Variants in ERCC1 observed in about 807,000 individuals in gnomAD.
ERCC1 encodes DNA excision repair protein ERCC-1.
ERCC1 carries 36 observed loss-of-function variants against 37.6 expected under a neutral mutation model. The observed-to-expected ratio is 0.96, with a 90% confidence interval of 0.73 to 1.26. ERCC1 has a LOEUF of 1.26. ERCC1 is among the 50% of genes most tolerant of loss of function. ERCC1 has a pLI of 0.00. For synonymous variants in ERCC1, 156 were observed against 162.1 expected, an observed-to-expected ratio of 0.96 and a Z score of 0.28; for missense variants, 349 against 376.5, an observed-to-expected ratio of 0.93 and a Z score of 0.60.
chr19:45,449,151 T>G (rs1967037107), intron 1 of ERCC1: 1 of 151,998 alleles, frequency 6.6e-6, no homozygotes, highest in African/African-American at 2.4e-5. Context: ...AAGCAGAGGG[T>G]TAGAGAAGGC....
chr19:45,434,719 G>A (rs1033120381), intron 1 of ERCC1, among the ~76,000 whole-genome samples: 5 of 151,972 alleles, frequency 3.3e-5, no homozygotes, highest in Non-Finnish European at 7.4e-5. Flanking sequence ...CCGAGCAGCT[G>A]GGACTACAGG....
At chr19:45,430,639 G>A (rs944303241) in intron 1 of ERCC1, among the ~76,000 whole-genome samples, 2 of 152,222 alleles carry the variant, frequency 1.3e-5, no homozygotes, top group Admixed American at 6.6e-5. Context: ...TAAGCGGGGC[G>A]CGGTGGCTCA....
upstream of ERCC1, among the ~76,000 whole-genome samples, chr19:45,428,686 C>T (rs917260759): frequency 2.6e-5 from 4 of 152,228 alleles, no homozygotes; most frequent in Non-Finnish European, 4.4e-5. Flanking sequence ...CCGACAATTC[C>T]GCCAAAGGGG....
At chr19:45,429,392 A>G (rs1278715419) in intron 1 of ERCC1, among the ~76,000 whole-genome samples, 1 of 152,134 alleles carries the variant, frequency 6.6e-6, no homozygotes, top group East Asian at 1.9e-4. Context: ...CCTGGGAGAC[A>G]GAGGTTGTAG....
At chr19:45,439,804 C>T (rs1975072148) in intron 1 of ERCC1, among the ~76,000 whole-genome samples, 3 of 151,988 alleles carry the variant, frequency 2.0e-5, no homozygotes, top group Admixed American at 6.5e-5. Context: ...CTCGCCGTGC[C>T]TCGGGGTAGG....
intron 1 of ERCC1, among the ~76,000 whole-genome samples, chr19:45,445,368 CTG>C (rs1206941152): frequency 6.6e-6 from 1 of 152,162 alleles, no homozygotes; most frequent in Non-Finnish European, 1.5e-5. Context: ...CTGGTAAAGA[CTG>C]TGAGAATGCA....
intron 1 of ERCC1, among the ~76,000 whole-genome samples, chr19:45,443,135 G>A (rs1184405619): frequency 1.3e-5 from 2 of 152,102 alleles, no homozygotes; most frequent in Admixed American, 6.6e-5. Context: ...CACTAGGGAG[G>A]GGTCTCCCAG....
chr19:45,414,152 C>G lies in ERCC1; in HGVS notation c.703-118G>C, dbSNP rs144734682. The G allele has an allele frequency of 6.8e-4, 525 of 777,612 alleles. 4 individuals carry two copies. In the African/African-American group the frequency reaches 7.9e-3, roughly 12 times the overall value. 48.2% of individuals were successfully genotyped at this position (777,612 alleles called of 1,614,324 possible). On this transcript the variant is annotated intron_variant, in intron 7 of 9. Coordinates refer to ENST00000300853, the MANE Select transcript of ERCC1 (RefSeq NM_001983.4). ...GACTGCCTGGCGTGCAGGAAGCACT[C>G]AATAAACGCTTTTTTTCCCAACTGA...
At chr19:45,415,072 G>A (rs1409041490) in intron 6 of ERCC1, 112 bp from the exon 7 acceptor site, 11 of 719,666 alleles carry the variant, frequency 1.5e-5, no homozygotes, top group African/African-American at 5.2e-5. Context: ...GGTGGCTCAC[G>A]CCTGTAATCC....
At chr19:45,418,996 C>T in intron 5 of ERCC1, 102 bp downstream of exon 5, 2 of 829,194 alleles carry the variant, frequency 2.4e-6, no homozygotes, top group East Asian at 5.3e-5. Context: ...AAAAACGTTC[C>T]TCGCTGAGGT....
At chr19:45,435,442 A>G (rs1974950969) in intron 1 of ERCC1, among the ~76,000 whole-genome samples, 1 of 152,196 alleles carries the variant, frequency 6.6e-6, no homozygotes, top group Admixed American at 6.6e-5. Context: ...CTCAGCCTTA[A>G]AAGAAAACTC....
chr19:45,421,868 G>C (rs557248848), intron 2 of ERCC1, among the ~76,000 whole-genome samples: 1 of 151,888 alleles, frequency 6.6e-6, no homozygotes, highest in East Asian at 1.9e-4. Flanking sequence ...CCTGACCTCA[G>C]GTGATCCGCC....
chr19:45,418,060 C>T (rs1054249754), intron 5 of ERCC1, among the ~76,000 whole-genome samples: 2 of 151,682 alleles, frequency 1.3e-5, no homozygotes, highest in African/African-American at 4.9e-5. Flanking sequence ...GACCCTGTCT[C>T]TAAAAATTAA....
intron 9 of ERCC1, among the ~76,000 whole-genome samples, chr19:45,412,080 C>T (rs1973776318): frequency 6.6e-6 from 1 of 151,822 alleles, no homozygotes; most frequent in South Asian, 2.1e-4. Context: ...ATGATGGTCT[C>T]AATCTCCTGA....
rs143529478 is a variant in ERCC1 at position 45,407,757 on chromosome 19, T to A, written c.*1918A>T. 1,030 of 251,194 alleles carry A rather than the reference T, an allele frequency of 4.1e-3. 12 individuals are homozygous for A. The highest frequency in any genetic ancestry group is 0.02 in the African/African-American group (889 of 45,560). 15.6% of individuals were successfully genotyped at this position (251,194 alleles called of 1,614,324 possible). A position where few individuals can be genotyped will look rare whatever the true frequency, so the allele number is the denominator to read the frequency against. ...AGATGGAGTCACTCTAGTCATGTTT[T>A]ATTAAAAACCAGAGGCCAGCCAGGC... On this transcript the variant is annotated 3_prime_UTR_variant, in exon 10 of 10. Transcript: ENST00000300853.
chr19:45,450,714 C>G (rs1348148980), intron 1 of ERCC1: 1 of 152,282 alleles, frequency 6.6e-6, no homozygotes, highest in East Asian at 2.0e-4. Context: ...TGCAGTGAGC[C>G]GAGATCGCGC....
At chr19:45,413,617 G>A in intron 9 of ERCC1, 60 bp downstream of exon 9, 1 of 1,614,242 alleles carries the variant, frequency 6.2e-7, no homozygotes, top group Non-Finnish European at 8.5e-7. Flanking sequence ...GTCTCAGGTT[G>A]TGTTTATTTG....
At chr19:45,415,047 T>C in intron 6 of ERCC1, 87 bp from the exon 7 acceptor site, 1 of 1,039,800 alleles carries the variant, frequency 9.6e-7, no homozygotes, top group Non-Finnish European at 1.5e-6. Flanking sequence ...GAATTGCCAA[T>C]ACTAGGCCGG....
chr19:45,436,861 G>A (rs1173733225), intron 1 of ERCC1, among the ~76,000 whole-genome samples: 2 of 152,146 alleles, frequency 1.3e-5, no homozygotes, highest in African/African-American at 4.8e-5. Context: ...GAAAGCTGAG[G>A]TGGGAGGACC....
Sources: allele counts gnomAD v4.1 joint callset (sites outside exome capture counted in the v4.1 genomes callset), GRCh38; gene constraint gnomAD v4.1.1; transcripts MANE v1.5; gene names NCBI Gene and HGNC (gene_info 2026-07-23, HGNC 2026-07-21).